The following MEGF10 variants were observed in gnomAD, a reference collection of about 807,000 sequenced individuals.
MEGF10 encodes multiple EGF like domains 10, also known as multiple epidermal growth factor-like domains protein 10.
In MEGF10, 86 loss-of-function variants were observed where a neutral mutation model predicts 147.5. The observed-to-expected ratio is 0.58, with a 90% CI of 0.49 to 0.70. MEGF10 has a LOEUF of 0.70. Among genes scored for constraint, MEGF10 ranks in the 30% least tolerant of loss-of-function variants. The probability of loss-of-function intolerance (pLI) is 0.00; values close to 1 mark genes in which losing one functional copy is unlikely to be tolerated. For synonymous variants in MEGF10, 478 were observed against 525.5 expected (o/e 0.91, Z 1.24); for missense variants, 1,329 against 1,487.3 (o/e 0.89, Z 1.75).
chr5:127,438,551 G>A lies in MEGF10; in HGVS notation c.2217G>A (p.Gly739=). 2.5e-6 allele frequency: 4 copies of A among 1,614,072 alleles called. No individual in the cohort carries two copies. Among genetic ancestry groups the A allele is most frequent in the Non-Finnish European group, 3.4e-6 (4 of 1,179,942 alleles). ...GECKCTPGWT[G]LYCTQRCPLG... ...GTAAATGCACTCCTGGCTGGACAGG[G>A]CTCTACTGCACTCAGAGTAAGTGAC... Residue 739 remains glycine (G), a synonymous_variant, in exon 17 of 25, where the codon GGG becomes GGA. Coordinates refer to ENST00000503335, the MANE Select transcript of MEGF10 (RefSeq NM_001256545.2).
intron 1 of MEGF10, among the ~76,000 whole-genome samples, chr5:127,324,281 A>G (rs921647235): frequency 2.0e-5 from 3 of 152,202 alleles, no homozygotes; most frequent in Admixed American, 1.3e-4. Flanking sequence ...GAAGTGTATC[A>G]AATTATGACA....
At chr5:127,419,042 G>T (rs747519282) in intron 10 of MEGF10, 78 bp from the exon 11 acceptor site, 2 of 1,480,574 alleles carry the variant, frequency 1.4e-6, no homozygotes, top group East Asian at 2.3e-5. Flanking sequence ...GCATTGCCAA[G>T]ATATATTTTT....
At chr5:127,245,315 C>A in the MEGF10 span, among the ~76,000 whole-genome samples, 1 of 152,218 alleles carries the variant, frequency 6.6e-6, no homozygotes, top group Admixed American at 6.5e-5. Context: ...CATCTACAAC[C>A]AACTGATCTT....
intron 1 of MEGF10, among the ~76,000 whole-genome samples, chr5:127,297,694 T>C (rs1225791283): frequency 1.3e-5 from 2 of 152,198 alleles, no homozygotes; most frequent in South Asian, 2.1e-4. Context: ...TTGAGAATAA[T>C]TTTATAATAG....
At chr5:127,304,721 A>G (rs1248716001) in intron 1 of MEGF10, among the ~76,000 whole-genome samples, 2 of 152,084 alleles carry the variant, frequency 1.3e-5, no homozygotes, top group East Asian at 1.9e-4. Flanking sequence ...TCTCGAACTC[A>G]TGACCTCAAG....
intron 5 of MEGF10, among the ~76,000 whole-genome samples, chr5:127,384,371 C>T (rs1308628938): frequency 5.3e-5 from 8 of 152,186 alleles, no homozygotes; most frequent in Non-Finnish European, 7.3e-5. Context: ...TATAGCAAGA[C>T]ATCTTATAAG....
intron 2 of MEGF10, among the ~76,000 whole-genome samples, chr5:127,332,662 G>C (rs1160725824): frequency 6.6e-6 from 1 of 152,080 alleles, no homozygotes; most frequent in Admixed American, 6.6e-5. Context: ...ATATAATAAA[G>C]TTCTATATAT....
chr5:127,247,305 C>T, the MEGF10 span, among the ~76,000 whole-genome samples: 51 of 82,364 alleles, frequency 6.2e-4, 3 homozygotes, highest in East Asian at 2.5e-3. Context: ...GGAGAGAGAG[C>T]GAGAGAAAGA....
chr5:127,257,471 C>G, the MEGF10 span, among the ~76,000 whole-genome samples: 2 of 152,008 alleles, frequency 1.3e-5, no homozygotes, highest in Non-Finnish European at 1.5e-5. Flanking sequence ...TTCTTTGATT[C>G]AAAGAACTCA....
chr5:127,454,375 A>G lies in MEGF10; in HGVS notation c.2981-191A>G, dbSNP rs559541902. On this transcript the variant is annotated intron_variant, in intron 22 of 24. Transcript: ENST00000503335. ...GTCACTGTAAATGACTAGGTGAATG[A>G]CCAAATGTGTGTGTGTTTAATTCTA... is the stretch of plus-strand genomic sequence containing the variant. Among the ~76,000 whole-genome samples, 5 of 152,286 alleles carry G rather than the reference A, an allele frequency of 3.3e-5. No individual in the cohort carries two copies. The South Asian group carries it at 1.0e-3, about 32-fold the overall frequency.
chr5:127,260,227 G>A, the MEGF10 span, among the ~76,000 whole-genome samples: 1 of 151,964 alleles, frequency 6.6e-6, no homozygotes, highest in Non-Finnish European at 1.5e-5. Flanking sequence ...CAAGAGGTAA[G>A]GTGGGTTTCA....
chr5:127,380,148 T>C (rs1763196182), intron 5 of MEGF10, among the ~76,000 whole-genome samples: 1 of 152,118 alleles, frequency 6.6e-6, no homozygotes, highest in Non-Finnish European at 1.5e-5. Flanking sequence ...TTATCCCTGC[T>C]GTCTAGCTAT....
the MEGF10 span, among the ~76,000 whole-genome samples, chr5:127,235,103 C>T: frequency 1.3e-5 from 2 of 152,192 alleles, no homozygotes; most frequent in East Asian, 3.9e-4. Flanking sequence ...GCCTTGGCCT[C>T]CCAAAGTGCT....
At chr5:127,445,248 G>T in intron 19 of MEGF10, 1 of 569,310 alleles carries the variant, frequency 1.8e-6, no homozygotes, top group Non-Finnish European at 3.1e-6. Context: ...TCTTTTTGAG[G>T]CTTACAGCAG....
chr5:127,246,344 TA>T, the MEGF10 span, among the ~76,000 whole-genome samples: 4,381 of 152,050 alleles, frequency 0.029, 208 homozygotes, highest in African/African-American at 0.1. Context: ...CTCAGCAAAC[TA>T]ACACAGAAAC....
chr5:127,294,157 T>C (rs958355172), intron 1 of MEGF10, among the ~76,000 whole-genome samples: 3 of 152,236 alleles, frequency 2.0e-5, no homozygotes, highest in African/African-American at 7.2e-5. Context: ...CTGAAGTTTT[T>C]CCCAATTATC....
upstream of MEGF10, among the ~76,000 whole-genome samples, chr5:127,286,275 T>C (rs1459821064): frequency 6.6e-6 from 1 of 152,074 alleles, no homozygotes; most frequent in Admixed American, 6.5e-5. Flanking sequence ...TTAGCAGCCA[T>C]GTGTTGTAAT....
the MEGF10 span, among the ~76,000 whole-genome samples, chr5:127,271,865 G>T: frequency 1.3e-5 from 2 of 152,070 alleles, no homozygotes; most frequent in Admixed American, 6.5e-5. Context: ...TTTCTTTATG[G>T]CAGCTTGAGA....
chr5:127,336,000 C>T (rs1761455527), intron 2 of MEGF10, among the ~76,000 whole-genome samples: 1 of 144,304 alleles, frequency 6.9e-6, no homozygotes, highest in Non-Finnish European at 1.5e-5. Context: ...CTCCTATAAG[C>T]TTAAGTGGAC....
Sources: gnomAD v4.1 joint callset for allele counts (sites outside exome capture counted in the v4.1 genomes callset) on GRCh38, gnomAD v4.1.1 for gene constraint, MANE v1.5 for transcripts, NCBI Gene and HGNC (gene_info 2026-07-23, HGNC 2026-07-21) for gene names.